IFT74: variants seen among roughly 807,000 people sequenced by gnomAD.
The protein encoded by IFT74 is intraflagellar transport 74, also known as intraflagellar transport protein 74 homolog.
A neutral mutation model predicts 96.7 loss-of-function variants in IFT74; 92 were observed. The observed-to-expected ratio is 0.95, with a 90% CI of 0.80 to 1.13. The LOEUF (loss-of-function observed/expected upper bound fraction) is 1.13. IFT74 is among the 50% of genes most tolerant of loss of function. The pLI is 0.00. For synonymous variants in IFT74, 223 were observed against 213.2 expected, an observed-to-expected ratio of 1.05 and a Z score of -0.40; for missense variants, 811 against 698.2, an observed-to-expected ratio of 1.16 and a Z score of -1.82.
At chr9:26,962,728 A>G (rs887146848) in intron 2 of IFT74, among the ~76,000 whole-genome samples, 1 of 152,180 alleles carries the variant, frequency 6.6e-6, no homozygotes, top group Non-Finnish European at 1.5e-5. Flanking sequence ...AGTATTCTGT[A>G]TAAACTTGAT....
chr9:27,060,619 A>T lies in IFT74; in HGVS notation c.1652A>T (p.His551Leu). The change falls in exon 19 of 20, where the codon CAC (histidine) becomes CTC (leucine). Residue 551 changes from histidine to leucine, a missense_variant. Transcript: ENST00000380062. ...ACAAATTTGGAGAGAAAGTGGCAAC[A>T]CCTTGAGCAAAATAATTTTGCGATG... ...QLTNLERKWQ[H>L]LEQNNFAMKE... 6.3e-7 allele frequency: 1 copy of T among 1,598,694 alleles called. No homozygotes were observed. The highest frequency in any genetic ancestry group is 8.5e-7 in the Non-Finnish European group (1 of 1,170,462).
At chr9:26,964,442 T>C (rs2131488578) in intron 2 of IFT74, among the ~76,000 whole-genome samples, 1 of 151,796 alleles carries the variant, frequency 6.6e-6, no homozygotes, top group South Asian at 2.1e-4. Flanking sequence ...GACTTGGCGA[T>C]GCGGGCTCTT....
At chr9:26,986,036 A>G (rs1261803761) in intron 6 of IFT74, among the ~76,000 whole-genome samples, 1 of 152,158 alleles carries the variant, frequency 6.6e-6, no homozygotes, top group East Asian at 1.9e-4. Flanking sequence ...GAAAATTTCT[A>G]GTGTCAGAAT....
intron 8 of IFT74, chr9:26,999,849 G>T: frequency 1.9e-6 from 1 of 533,470 alleles, no homozygotes; most frequent in Non-Finnish European, 3.1e-6. Flanking sequence ...ACAGCTCACT[G>T]CAGCCTTGAT....
intron 8 of IFT74, among the ~76,000 whole-genome samples, chr9:26,996,129 C>T (rs1035482648): frequency 1.3e-5 from 2 of 152,060 alleles, no homozygotes; most frequent in Non-Finnish European, 2.9e-5. Context: ...ATAATTTGCA[C>T]GATGGCATTT....
intron 10 of IFT74, among the ~76,000 whole-genome samples, chr9:27,015,157 A>G (rs537785860): frequency 6.0e-4 from 91 of 152,222 alleles, no homozygotes; most frequent in Non-Finnish European, 1.1e-3. Flanking sequence ...AGGAGACGAT[A>G]CTATGAAAAA....
intron 1 of IFT74, among the ~76,000 whole-genome samples, chr9:26,960,515 A>G (rs904506383): frequency 6.6e-6 from 1 of 152,228 alleles, no homozygotes; most frequent in Non-Finnish European, 1.5e-5. Flanking sequence ...TTCACGTTTA[A>G]GTATCTTGGT....
rs1820489058 is a variant in IFT74, at chr9:27,062,848, G to C, written c.*112G>C. The stretch of plus-strand genomic sequence containing the variant: ...CTTTTGGAGTTTACCTAAAATTTCT[G>C]AATGTTATAATTTTTGTGGCCTCTT... On this transcript the variant is annotated 3_prime_UTR_variant, in exon 20 of 20. Transcript: ENST00000380062. The C allele has an allele frequency of 6.1e-6, 4 of 655,068 alleles. No homozygotes were observed. In the African/African-American group the frequency reaches 7.8e-5, roughly 13 times the overall value. 40.6% of individuals were successfully genotyped at this position (655,068 alleles called of 1,614,324 possible). A position where few individuals can be genotyped will look rare whatever the true frequency, so the allele number is the denominator to read the frequency against.
chr9:26,990,419 T>C (rs1664971158), intron 8 of IFT74, among the ~76,000 whole-genome samples: 1 of 152,216 alleles, frequency 6.6e-6, no homozygotes, highest in Non-Finnish European at 1.5e-5. Context: ...CTTATATAAA[T>C]AGGATTTATG....
At chr9:27,001,469 G>C (rs373282554) in intron 8 of IFT74, among the ~76,000 whole-genome samples, 1 of 152,054 alleles carries the variant, frequency 6.6e-6, no homozygotes. Context: ...ACCAGCATCC[G>C]TTATTGCCTG....
chr9:26,953,744 T>TGGCCTC (rs1826002754), upstream of IFT74, among the ~76,000 whole-genome samples: 1 of 151,972 alleles, frequency 6.6e-6, no homozygotes. Context: ...CTCCTGGCCT[T>TGGCCTC]AGTGACCCTC....
At chr9:27,022,258 G>T (rs1442578501) in intron 12 of IFT74, among the ~76,000 whole-genome samples, 1 of 152,064 alleles carries the variant, frequency 6.6e-6, no homozygotes, top group Non-Finnish European at 1.5e-5. Flanking sequence ...GTTTGAAGTT[G>T]GTTAATGTGA....
At chr9:26,984,420 C>G in intron 5 of IFT74, 65 bp downstream of exon 5, 2 of 1,580,216 alleles carry the variant, frequency 1.3e-6, no homozygotes, top group Non-Finnish European at 1.7e-6. Context: ...TTGTAGCTAT[C>G]CATATTGTTT....
At chr9:27,060,690 G>T (rs766100715) in intron 19 of IFT74, 39 bp downstream of exon 19, 1 of 1,482,280 alleles carries the variant, frequency 6.7e-7, no homozygotes, top group Non-Finnish European at 9.3e-7. Context: ...CGGGTGCGGT[G>T]GCTCATGCCT....
At position 27,050,781 on chromosome 9, in the gene IFT74, T is replaced by C. The variant is rs184194389; in HGVS notation, c.1333+2507T>C. Among the ~76,000 whole-genome samples, 613 of 151,778 alleles carry C rather than the reference T, an allele frequency of 4.0e-3. 6 individuals carry two copies. The highest frequency in any genetic ancestry group is 0.014 in the African/African-American group (596 of 41,332). On this transcript the variant is annotated intron_variant, in intron 16 of 19. Transcript: ENST00000380062. The stretch of plus-strand genomic sequence containing the variant: ...GGATAGCATTAGGAGGTATACCTAA[T>C]GTAAATGACGAGTTAATGGGTGCAG...
intron 12 of IFT74, among the ~76,000 whole-genome samples, chr9:27,025,002 A>C (rs986032442): frequency 1.3e-5 from 2 of 151,838 alleles, no homozygotes; most frequent in African/African-American, 4.8e-5. Context: ...CAAAGGCTCC[A>C]AACAGTTTGA....
chr9:27,018,645 A>G lies in IFT74; in HGVS notation c.934-2A>G. 1.1e-5 allele frequency: 16 copies of G among 1,495,000 alleles called. No homozygotes were observed. The highest frequency in any genetic ancestry group is 1.5e-5 in the Non-Finnish European group (16 of 1,088,942). 92.6% of individuals were successfully genotyped at this position (1,495,000 alleles called of 1,614,324 possible). On this transcript the variant is annotated splice_acceptor_variant, in intron 11 of 19. Transcript: ENST00000380062. LOFTEE classifies it high-confidence loss of function. ...TACTACTTTCTTTTTATGCCTTTGT[A>G]GATTAAAGATGATAATCAGGAAATA...
At chr9:27,027,869 T>C (rs1829941677) in intron 12 of IFT74, among the ~76,000 whole-genome samples, 1 of 152,202 alleles carries the variant, frequency 6.6e-6, no homozygotes. Flanking sequence ...GTGTCATATC[T>C]AAGAAACCAA....
chr9:26,990,028 G>T, intron 7 of IFT74, 106 bp from the exon 8 acceptor site: 1 of 517,662 alleles, frequency 1.9e-6, no homozygotes, highest in Non-Finnish European at 3.4e-6. Flanking sequence ...GTGGCACTAG[G>T]ATAATTATAG....
Sources: gnomAD v4.1 joint callset for allele counts (sites outside exome capture counted in the v4.1 genomes callset) on GRCh38, gnomAD v4.1.1 for gene constraint, MANE v1.5 for transcripts, NCBI Gene and HGNC (gene_info 2026-07-23, HGNC 2026-07-21) for gene names.